The following MYCBP2 variants were observed in gnomAD, a reference collection of about 807,000 sequenced individuals.
MYCBP2 encodes MYC binding protein 2, also known as E3 ubiquitin-protein ligase MYCBP2.
In MYCBP2, 120 loss-of-function variants were observed where a neutral mutation model predicts 525.3. That is an observed-to-expected ratio of 0.23 (90% CI 0.20 to 0.27). The LOEUF (loss-of-function observed/expected upper bound fraction) is 0.27, where lower values mean the gene tolerates loss of function less well. Among genes scored for constraint, MYCBP2 ranks in the 10% least tolerant of loss-of-function variants. MYCBP2 has a pLI of 1.00. For synonymous variants in MYCBP2, 1,894 were observed against 1,955.8 expected (o/e 0.97, Z 0.83); for missense variants, 4,149 against 5,657.1 (o/e 0.73, Z 8.55).
intron 17 of MYCBP2, among the ~76,000 whole-genome samples, chr13:77,237,283 G>A (rs1013827666): frequency 6.6e-6 from 1 of 152,116 alleles, no homozygotes; most frequent in South Asian, 2.1e-4. Context: ...ATGAGAAAAA[G>A]ATGTTGCAAA....
intron 55 of MYCBP2, among the ~76,000 whole-genome samples, chr13:77,111,073 C>A (rs556550892): frequency 6.6e-6 from 1 of 152,068 alleles, no homozygotes; most frequent in Non-Finnish European, 1.5e-5. Context: ...ACTACAGGTA[C>A]AGAAGTTTGA....
chr13:77,136,016 A>G (rs2053702814), intron 52 of MYCBP2, among the ~76,000 whole-genome samples: 1 of 152,008 alleles, frequency 6.6e-6, no homozygotes, highest in Non-Finnish European at 1.5e-5. Flanking sequence ...TTGTATTTTT[A>G]GTAGAGACAG....
chr13:77,280,443 C>A (rs1403786071), intron 3 of MYCBP2, among the ~76,000 whole-genome samples: 1 of 152,186 alleles, frequency 6.6e-6, no homozygotes, highest in Non-Finnish European at 1.5e-5. Context: ...AGTCAAAGAT[C>A]TCCAGAGTAC....
intron 21 of MYCBP2, among the ~76,000 whole-genome samples, chr13:77,217,516 A>G (rs535629287): frequency 1.3e-5 from 2 of 152,328 alleles, no homozygotes; most frequent in African/African-American, 2.4e-5. Flanking sequence ...ATTCATCTCT[A>G]CAAGTTAGAT....
intron 2 of MYCBP2, 102 bp from the exon 3 acceptor site, chr13:77,288,478 G>A (rs934544016): frequency 2.0e-6 from 2 of 988,538 alleles, no homozygotes; most frequent in Admixed American, 2.4e-5. Context: ...ACTTGCAGAA[G>A]ACACATTATG....
intron 45 of MYCBP2, among the ~76,000 whole-genome samples, chr13:77,157,215 C>T (rs1251949575): frequency 6.6e-6 from 1 of 152,134 alleles, no homozygotes; most frequent in East Asian, 1.9e-4. Context: ...GAAGCTGGGA[C>T]TACAGGTGTG....
At chr13:77,297,048 G>C (rs1043649688) in intron 1 of MYCBP2, among the ~76,000 whole-genome samples, 1 of 152,154 alleles carries the variant, frequency 6.6e-6, no homozygotes, top group African/African-American at 2.4e-5. Flanking sequence ...GGTAGTGAGG[G>C]CTACGGTGCA....
intron 55 of MYCBP2, among the ~76,000 whole-genome samples, chr13:77,106,682 G>A (rs1215957394): frequency 6.6e-6 from 1 of 152,020 alleles, no homozygotes; most frequent in Non-Finnish European, 1.5e-5. Flanking sequence ...TATAGTCTTA[G>A]TAAAACTACT....
rs1316072204 is a variant in MYCBP2, at chr13:77,058,540, A to G, written c.13141-134T>C. ...TATGCAGGCCAAGTAACAACAAAGT[A>G]AAGTTATTTCTAATCTTTGTTTGAA... On this transcript the variant is annotated intron_variant, in intron 77 of 82. Coordinates refer to ENST00000544440, the MANE Select transcript of MYCBP2 (RefSeq NM_015057.5). This position sits in a 1 kb window ranked among gnomAD's most constrained non-coding sequence, Gnocchi z 4.1. 1.5e-5 allele frequency: 10 copies of G among 647,914 alleles called. No individual in the cohort carries two copies. Among genetic ancestry groups the G allele is most frequent in the Non-Finnish European group, 2.3e-5 (10 of 428,302 alleles). 40.1% of individuals were successfully genotyped at this position (647,914 alleles called of 1,614,324 possible).
intron 73 of MYCBP2, among the ~76,000 whole-genome samples, 191 bp from the exon 74 acceptor site, chr13:77,062,888 G>C (rs1251133543): frequency 6.6e-6 from 1 of 152,288 alleles, no homozygotes; most frequent in South Asian, 2.1e-4. Flanking sequence ...ATGCACACAG[G>C]AGGCACTCAG....
At chr13:77,257,089 G>A (rs1284115818) in intron 14 of MYCBP2, among the ~76,000 whole-genome samples, 1 of 152,056 alleles carries the variant, frequency 6.6e-6, no homozygotes, top group African/African-American at 2.4e-5. Context: ...CAACAACAAG[G>A]ATGTAACTGG....
intron 76 of MYCBP2, among the ~76,000 whole-genome samples, chr13:77,060,166 C>T (rs1239785109): frequency 6.6e-6 from 1 of 151,984 alleles, no homozygotes; most frequent in African/African-American, 2.4e-5. Flanking sequence ...AAAACAAGAA[C>T]AGAGCAATAA....
chr13:77,077,438 T>A, intron 66 of MYCBP2, 51 bp from the exon 67 acceptor site: 1 of 1,605,704 alleles, frequency 6.2e-7, no homozygotes, highest in Non-Finnish European at 8.5e-7. Flanking sequence ...ATCACTTTTA[T>A]CACTGTGCTG....
chr13:77,047,012 T>C (rs906500781), intron 82 of MYCBP2, among the ~76,000 whole-genome samples: 9 of 152,136 alleles, frequency 5.9e-5, no homozygotes, highest in African/African-American at 2.2e-4. Flanking sequence ...TTGGGTTTTT[T>C]CAAGGAAAAA....
intron 28 of MYCBP2, among the ~76,000 whole-genome samples, chr13:77,190,819 A>G (rs1168173530): frequency 6.6e-6 from 1 of 152,202 alleles, no homozygotes; most frequent in Non-Finnish European, 1.5e-5. Context: ...CTCCTTGAAT[A>G]TTCAGCAACA....
chr13:77,324,668 C>T (rs1301999883), intron 1 of MYCBP2, among the ~76,000 whole-genome samples: 3 of 151,926 alleles, frequency 2.0e-5, no homozygotes. Flanking sequence ...ACGGCTTGTA[C>T]AAAAATGGAC....
At chr13:77,106,661 G>A (rs573191696) in intron 55 of MYCBP2, among the ~76,000 whole-genome samples, 8 of 152,194 alleles carry the variant, frequency 5.3e-5, no homozygotes, top group African/African-American at 1.2e-4. Flanking sequence ...TAGTGGAGCC[G>A]TCAGAAATTT....
At chr13:77,157,065 C>T (rs2057296556) in intron 45 of MYCBP2, among the ~76,000 whole-genome samples, 1 of 152,006 alleles carries the variant, frequency 6.6e-6, no homozygotes, top group South Asian at 2.1e-4. Flanking sequence ...AATCAATTAA[C>T]AACTATAATA....
chr13:77,202,608 C>T (rs1191438346), intron 26 of MYCBP2, among the ~76,000 whole-genome samples: 3 of 151,830 alleles, frequency 2.0e-5, no homozygotes, highest in African/African-American at 4.8e-5. Flanking sequence ...GAATTTTAGA[C>T]CAATATCCTT....
Sources: gnomAD v4.1 joint callset for allele counts (sites outside exome capture counted in the v4.1 genomes callset) on GRCh38, gnomAD v4.1.1 for gene constraint, Gnocchi (gnomAD v3.1) non-coding constraint, MANE v1.5 for transcripts, NCBI Gene and HGNC (gene_info 2026-07-23, HGNC 2026-07-21) for gene names.